Variants in RGPD2 observed in about 807,000 individuals in gnomAD.
RGPD2 encodes RANBP2 like and GRIP domain containing 2, also known as RANBP2-like and GRIP domain-containing protein 2.
In RGPD2, 2 loss-of-function variants were observed where a neutral mutation model predicts 36.0. The ratio of observed to expected loss-of-function variants is 0.06; its 90% CI spans 0.02 to 0.17. RGPD2 has a LOEUF of 0.17. Ranked by LOEUF, RGPD2 falls within the 10% of genes least tolerant of loss-of-function variation. The probability of loss-of-function intolerance (pLI) is 1.00; values close to 1 mark genes in which losing one functional copy is unlikely to be tolerated. For missense variants in RGPD2, 40 were observed against 464.3 expected, an observed-to-expected ratio of 0.09 and a Z score of 8.40; for synonymous variants, 19 against 163.8, an observed-to-expected ratio of 0.12 and a Z score of 6.75.
the RGPD2 span, among the ~76,000 whole-genome samples, chr2:87,872,697 C>T: frequency 6.6e-6 from 1 of 151,556 alleles, no homozygotes; most frequent in East Asian, 1.9e-4. Context: ...CTCCAACAGG[C>T]CCCAGTGTGT....
At chr2:87,965,244 A>G in the RGPD2 span, among the ~76,000 whole-genome samples, 2 of 137,964 alleles carry the variant, frequency 1.4e-5, no homozygotes, top group African/African-American at 2.6e-5. Flanking sequence ...CCTTTATCCA[A>G]TACATTCTTA....
At chr2:87,791,537 TA>T (rs1685733142) in intron 17 of RGPD2, among the ~76,000 whole-genome samples, 1 of 101,072 alleles carries the variant, frequency 9.9e-6, no homozygotes, top group Non-Finnish European at 2.0e-5. Flanking sequence ...CAAAATATGG[TA>T]AAGGGTCAAG....
intron 17 of RGPD2, among the ~76,000 whole-genome samples, chr2:87,791,194 G>C (rs1685709706): frequency 6.6e-6 from 1 of 151,486 alleles, no homozygotes; most frequent in African/African-American, 2.4e-5. Context: ...AAGATGAGGA[G>C]AGAGACACAT....
At chr2:87,915,395 G>A in the RGPD2 span, among the ~76,000 whole-genome samples, 3 of 130,702 alleles carry the variant, frequency 2.3e-5, no homozygotes, top group South Asian at 2.3e-4. Context: ...GTATATATAT[G>A]TATATTATAT....
chr2:87,847,329 A>T, the RGPD2 span, among the ~76,000 whole-genome samples: 1 of 152,202 alleles, frequency 6.6e-6, no homozygotes, highest in African/African-American at 2.4e-5. Context: ...TTTTTAATAT[A>T]CAGGTATTTC....
At chr2:87,864,800 A>T in the RGPD2 span, among the ~76,000 whole-genome samples, 1 of 152,078 alleles carries the variant, frequency 6.6e-6, no homozygotes, top group Non-Finnish European at 1.5e-5. Context: ...CAGTTAGGTT[A>T]TTATTAATTT....
chr2:87,897,058 T>G, the RGPD2 span, among the ~76,000 whole-genome samples: 1 of 152,298 alleles, frequency 6.6e-6, no homozygotes, highest in African/African-American at 2.4e-5. Context: ...CCAGTTAAAG[T>G]AGCTTGTTAC....
At chr2:87,972,973 TC>T in the RGPD2 span, 1 of 1,613,982 alleles carries the variant, frequency 6.2e-7, no homozygotes, top group African/African-American at 1.3e-5. Flanking sequence ...ATGGGGCTGG[TC>T]CTTTCCCTAC....
the RGPD2 span, among the ~76,000 whole-genome samples, chr2:87,915,811 C>A: frequency 6.6e-6 from 1 of 150,924 alleles, no homozygotes; most frequent in South Asian, 2.1e-4. Context: ...ATTTATAATG[C>A]TTGTTTTCAG....
the RGPD2 span, among the ~76,000 whole-genome samples, chr2:87,940,632 T>TTGTGTG: frequency 4.5e-3 from 591 of 130,894 alleles, 1 homozygote; most frequent in East Asian, 1.0e-2. Flanking sequence ...AATTTTCTGT[T>TTGTGTG]TGTGTGTGTG....
the RGPD2 span, among the ~76,000 whole-genome samples, chr2:87,986,485 G>T: frequency 6.6e-6 from 1 of 151,818 alleles, no homozygotes; most frequent in East Asian, 1.9e-4. Flanking sequence ...TAACCAAATA[G>T]CCCAGTTTGC....
chr2:87,781,446 GGTT>G (rs1685396236), intron 20 of RGPD2, among the ~76,000 whole-genome samples: 1 of 128,392 alleles, frequency 7.8e-6, no homozygotes, highest in Non-Finnish European at 1.6e-5. Flanking sequence ...TCAATATCAT[GGTT>G]TTTTTTGTTT....
At position 87,821,964 on chromosome 2, in the gene RGPD2, TTC is replaced by T. The variant is rs1434243216; in HGVS notation, c.73-3343_73-3342del. The stretch of plus-strand genomic sequence containing the variant: ...ACTTTTTCATTATGCAGTTCTAAAT[TTC>T]TCTCTCTTTTTTTTTAATTCAAACG... On this transcript the variant is annotated intron_variant, in intron 1 of 22. Transcript: ENST00000398146. Among the ~76,000 whole-genome samples the T allele has an allele frequency of 2.7e-3, 395 of 146,884 alleles. 1 individual carries two copies. Among genetic ancestry groups the T allele is most frequent in the African/African-American group, 8.4e-3 (332 of 39,338 alleles).
At chr2:87,966,606 A>T in the RGPD2 span, among the ~76,000 whole-genome samples, 1 of 152,292 alleles carries the variant, frequency 6.6e-6, no homozygotes, top group African/African-American at 2.4e-5. Context: ...GAGAATTTCG[A>T]GTCCCCAAAT....
chr2:87,860,980 T>A, the RGPD2 span, among the ~76,000 whole-genome samples: 1 of 152,240 alleles, frequency 6.6e-6, no homozygotes, highest in South Asian at 2.1e-4. Flanking sequence ...GCTTTACTAC[T>A]GTATTAATGA....
chr2:87,957,689 G>T, the RGPD2 span, among the ~76,000 whole-genome samples: 1 of 152,194 alleles, frequency 6.6e-6, no homozygotes, highest in African/African-American at 2.4e-5. Context: ...ATGAATTTTG[G>T]GGGGGAGTCA....
At chr2:87,985,676 A>G in the RGPD2 span, 1 of 1,415,148 alleles carries the variant, frequency 7.1e-7, no homozygotes, top group Non-Finnish European at 9.9e-7. Flanking sequence ...CAATTATGCA[A>G]CCATTACATT....
chr2:87,910,911 G>A, the RGPD2 span, among the ~76,000 whole-genome samples: 1 of 151,802 alleles, frequency 6.6e-6, no homozygotes, highest in Non-Finnish European at 1.5e-5. Context: ...AGAGATGATT[G>A]TATTCTTTTA....
the RGPD2 span, among the ~76,000 whole-genome samples, chr2:87,920,200 G>A: frequency 6.6e-6 from 1 of 151,968 alleles, no homozygotes; most frequent in South Asian, 2.1e-4. Context: ...GAGTAATAAT[G>A]CTGCTTCTCT....
Sources: gnomAD v4.1 joint callset for allele counts (sites outside exome capture counted in the v4.1 genomes callset) on GRCh38, gnomAD v4.1.1 for gene constraint, MANE v1.5 for transcripts, NCBI Gene and HGNC (gene_info 2026-07-23, HGNC 2026-07-21) for gene names.